The following NEO1 variants were observed in gnomAD, a reference collection of about 807,000 sequenced individuals.
NEO1 encodes neogenin 1.
A neutral mutation model predicts 159.7 loss-of-function variants in NEO1; 63 were observed. The observed-to-expected ratio is 0.39, with a 90% CI of 0.32 to 0.49. The LOEUF is 0.49. Among genes scored for constraint, NEO1 ranks in the 20% least tolerant of loss-of-function variants. NEO1 has a pLI of 0.85. For missense variants in NEO1, 1,615 were observed against 1,831.0 expected (o/e 0.88, Z 2.15); for synonymous variants, 633 against 662.0 (o/e 0.96, Z 0.67).
At position 73,126,472 on chromosome 15, in the gene NEO1, A is replaced by T. The variant is rs772315254; in HGVS notation, c.780A>T (p.Arg260Ser). ...VFLKQPSPLVRVIGQDVVLPC... is the reference protein window; with the variant it reads ...VFLKQPSPLVSVIGQDVVLPC... ...TGAAACAGCCTTCTCCCTTAGTCAG[A>T]GTCATTGGTCAGGATGTAGTGTTGC... is the stretch of plus-strand genomic sequence containing the variant. Residue 260 changes from arginine (R) to serine (S), a missense_variant, in exon 4 of 29, where the codon AGA becomes AGT. Physicochemically the swap from Arg to Ser is moderately radical, Grantham distance 110. Transcript: ENST00000261908. 1 of 1,613,284 alleles carries T rather than the reference A, an allele frequency of 6.2e-7. No homozygotes were observed.
At chr15:73,297,639 A>G (rs535039616) in intron 26 of NEO1, among the ~76,000 whole-genome samples, 66 of 152,048 alleles carry the variant, frequency 4.3e-4, no homozygotes, top group Non-Finnish European at 8.8e-4. Context: ...TGCCTTCCAG[A>G]ACAACTCTGC....
intron 1 of NEO1, among the ~76,000 whole-genome samples, chr15:73,111,548 C>A (rs1420250340): frequency 6.6e-6 from 1 of 152,106 alleles, no homozygotes; most frequent in Non-Finnish European, 1.5e-5. Context: ...TAGCTATTTA[C>A]ACGAGTGTGA....
chr15:73,104,347 A>G (rs1384959198), intron 1 of NEO1, among the ~76,000 whole-genome samples: 1 of 152,134 alleles, frequency 6.6e-6, no homozygotes. Flanking sequence ...CTTCAAATCT[A>G]ATTCTTAGTT....
Position 73,176,527 on chromosome 15 carries a change from G to A in NEO1, c.1140G>A (p.Met380Ile). The change falls in exon 6 of 29, where the codon ATG becomes ATA. Residue 380 changes from methionine (M) to isoleucine (I), a missense_variant. Physicochemically the swap from Met to Ile is conservative, Grantham distance 10. Coordinates refer to ENST00000261908, the MANE Select transcript of NEO1 (RefSeq NM_002499.4). ...TGAAGTGGGTCAAAAATGGGGATAT[G>A]GTTATCCCAAGTGATTATTTTAAGA... ...PTVKWVKNGD[M>I]VIPSDYFKIV... 6.2e-7 allele frequency: 1 copy of A among 1,610,522 alleles called. No individual in the cohort carries two copies. The highest frequency in any genetic ancestry group is 8.5e-7 in the Non-Finnish European group (1 of 1,178,292).
intron 4 of NEO1, among the ~76,000 whole-genome samples, chr15:73,132,982 A>G (rs997427476): frequency 2.0e-5 from 3 of 152,220 alleles, no homozygotes; most frequent in Admixed American, 2.0e-4. Flanking sequence ...GAGATTCCAT[A>G]AAGAACTAAA....
At chr15:73,117,813 TAAAAG>T (rs2071410173) in intron 2 of NEO1, among the ~76,000 whole-genome samples, 1 of 152,076 alleles carries the variant, frequency 6.6e-6, no homozygotes, top group Non-Finnish European at 1.5e-5. Flanking sequence ...GATGGAAAAA[TAAAAG>T]AAGAAAAAAA....
intron 7 of NEO1, among the ~76,000 whole-genome samples, chr15:73,192,929 A>G (rs1363532161): frequency 1.3e-5 from 2 of 152,026 alleles, no homozygotes; most frequent in Admixed American, 6.6e-5. Context: ...AAAAACATCA[A>G]TTAGAAATTA....
chr15:73,171,016 C>G (rs1214183130), intron 5 of NEO1, among the ~76,000 whole-genome samples: 1 of 150,544 alleles, frequency 6.6e-6, no homozygotes, highest in Admixed American at 6.6e-5. Context: ...AAAAAAAAAA[C>G]TAGCCTGACT....
intron 5 of NEO1, among the ~76,000 whole-genome samples, chr15:73,171,833 GT>G (rs1206262384): frequency 6.6e-6 from 1 of 151,814 alleles, no homozygotes; most frequent in Non-Finnish European, 1.5e-5. Flanking sequence ...ATAGAGACGG[GT>G]TTTTGCCAAG....
intron 1 of NEO1, among the ~76,000 whole-genome samples, chr15:73,058,345 G>T (rs1170356621): frequency 6.6e-6 from 1 of 152,146 alleles, no homozygotes; most frequent in African/African-American, 2.4e-5. Context: ...GATATTAAGT[G>T]CCTTGCCGAA....
chr15:73,189,041 A>C (rs754513178), intron 7 of NEO1, among the ~76,000 whole-genome samples: 3 of 152,132 alleles, frequency 2.0e-5, no homozygotes. Flanking sequence ...CGAGGCTTCA[A>C]TGAGCTGTGA....
intron 1 of NEO1, among the ~76,000 whole-genome samples, chr15:73,084,430 C>T (rs1416475925): frequency 1.3e-5 from 2 of 152,150 alleles, no homozygotes; most frequent in East Asian, 1.9e-4. Flanking sequence ...GCTTATTGTA[C>T]TTAAAATGTC....
chr15:73,124,947 T>TA (rs914143708), intron 3 of NEO1, among the ~76,000 whole-genome samples: 3 of 152,034 alleles, frequency 2.0e-5, no homozygotes, highest in Non-Finnish European at 4.4e-5. Context: ...CAAGTTGAAT[T>TA]AAAAAAAAGA....
intron 5 of NEO1, chr15:73,162,294 G>A (rs897278495): frequency 1.9e-5 from 4 of 213,624 alleles, no homozygotes; most frequent in Non-Finnish European, 4.0e-5. Context: ...CAAAGGCCAT[G>A]GGTGGTGTTA....
chr15:73,247,120 T>TGA lies in NEO1; in HGVS notation c.1607-1938_1607-1937dup, dbSNP rs1485359672. The stretch of plus-strand genomic sequence containing the variant: ...AGGTAGAAAAGGCAACAGGTTCTGG[T>TGA]GAGGGTATTTTAGGGATGGAGAAGA... On this transcript the variant is annotated intron_variant, in intron 9 of 28. Transcript: ENST00000261908. Among the ~76,000 whole-genome samples, 4 of 152,236 alleles carry TGA rather than the reference T, an allele frequency of 2.6e-5. No homozygotes were observed. In the East Asian group the frequency reaches 7.7e-4, roughly 29 times the overall value.
chr15:73,071,490 G>A (rs756923118), intron 1 of NEO1, among the ~76,000 whole-genome samples: 19 of 152,038 alleles, frequency 1.2e-4, no homozygotes, highest in South Asian at 4.2e-4. Context: ...GTATGATGGG[G>A]TAGTTGCTAT....
chr15:73,152,199 C>A (rs1393795099), intron 5 of NEO1, among the ~76,000 whole-genome samples: 1 of 152,188 alleles, frequency 6.6e-6, no homozygotes, highest in Non-Finnish European at 1.5e-5. Flanking sequence ...GTATGTTAGG[C>A]CTCAGGGGCA....
At chr15:73,111,346 T>A (rs2070977267) in intron 1 of NEO1, among the ~76,000 whole-genome samples, 1 of 152,218 alleles carries the variant, frequency 6.6e-6, no homozygotes, top group Non-Finnish European at 1.5e-5. Flanking sequence ...AGACTTTTCA[T>A]AATGTTCCTC....
At chr15:73,142,743 A>C (rs909272910) in intron 5 of NEO1, among the ~76,000 whole-genome samples, 3 of 152,228 alleles carry the variant, frequency 2.0e-5, no homozygotes, top group African/African-American at 7.2e-5. Flanking sequence ...TTCAGCCCTC[A>C]AGAGTGCGTC....
Sources: gnomAD v4.1 joint callset for allele counts (sites outside exome capture counted in the v4.1 genomes callset) on GRCh38, gnomAD v4.1.1 for gene constraint, MANE v1.5 for transcripts, NCBI Gene and HGNC (gene_info 2026-07-23, HGNC 2026-07-21) for gene names.